NEIL3: variants seen among roughly 807,000 people sequenced by gnomAD.
NEIL3 encodes endonuclease 8-like 3.
In NEIL3, 48 loss-of-function variants were observed where a neutral mutation model predicts 57.5. The ratio of observed to expected loss-of-function variants is 0.83; its 90% CI spans 0.66 to 1.06. The LOEUF (loss-of-function observed/expected upper bound fraction) is 1.06. Among genes scored for constraint, NEIL3 ranks in the 50% least tolerant of loss-of-function variants. The pLI, the probability that NEIL3 is intolerant of heterozygous loss-of-function variation, is 0.00. For missense variants in NEIL3, 717 were observed against 739.1 expected, an observed-to-expected ratio of 0.97 and a Z score of 0.35; for synonymous variants, 261 against 253.2, an observed-to-expected ratio of 1.03 and a Z score of -0.29.
chr4:177,321,407 T>G (rs1314934812), intron 1 of NEIL3, among the ~76,000 whole-genome samples: 1 of 152,142 alleles, frequency 6.6e-6, no homozygotes, highest in Non-Finnish European at 1.5e-5. Context: ...TTTACATTTT[T>G]ATTACATTTT....
intron 6 of NEIL3, chr4:177,343,222 A>G (rs898731789): frequency 5.3e-5 from 8 of 152,176 alleles, no homozygotes; most frequent in African/African-American, 1.9e-4. Flanking sequence ...TATGTGTTAG[A>G]TATGTGAAAG....
chr4:177,350,084 T>C (rs1212699399), intron 6 of NEIL3, among the ~76,000 whole-genome samples: 1 of 152,234 alleles, frequency 6.6e-6, no homozygotes, highest in African/African-American at 2.4e-5. Context: ...TGTATCTTAC[T>C]TTCAGATTTT....
rs759718146 is a variant in NEIL3 at position 177,335,791 on chromosome 4, A to G, written c.382A>G (p.Ile128Val). The change falls in exon 3 of 10, where the codon ATT (isoleucine) becomes GTT (valine). Residue 128 changes from isoleucine to valine, a missense_variant. Coordinates refer to ENST00000264596, the MANE Select transcript of NEIL3 (RefSeq NM_018248.3). ...GGAAGTGCAGCTCACCAAAGATTTGATTTGTTTCTTTGACTCATCAGTAGA... is the reference window on the plus strand; with the variant it reads ...GGAAGTGCAGCTCACCAAAGATTTGGTTTGTTTCTTTGACTCATCAGTAGA... ...VLEVQLTKDL[I>V]CFFDSSVELR... The G allele has an allele frequency of 6.3e-7, 1 of 1,579,844 alleles. No homozygotes were observed.
chr4:177,333,026 A>AT lies in NEIL3; in HGVS notation c.279-2656dup, dbSNP rs567430825. ...CATCCTAAGTAGTAGCAGAACTCCT[A>AT]TTTTTTATTTTTAGCATTGTTAAAA... On this transcript the variant is annotated intron_variant, in intron 2 of 9. Coordinates refer to ENST00000264596, the MANE Select transcript of NEIL3 (RefSeq NM_018248.3). Among the ~76,000 whole-genome samples, 157 of 146,038 alleles carry AT rather than the reference A, an allele frequency of 1.1e-3. 5 individuals carry two copies. The South Asian group carries it at 0.024, about 22-fold the overall frequency.
Position 177,353,664 on chromosome 4 carries a change from A to T in NEIL3, c.1396A>T (p.Lys466Ter). 1 of 1,613,984 alleles carries T rather than the reference A, an allele frequency of 6.2e-7. No individual in the cohort carries two copies. The highest frequency in any genetic ancestry group is 8.5e-7 in the Non-Finnish European group (1 of 1,179,918). ...TAAATTATTTAGTCCAGCACATAAA[A>T]AACCGAAAACAGCCCAATACTCATC... ...ESKLFSPAHKKPKTAQYSSPE... is the reference protein window; with the variant it reads ...ESKLFSPAHK Residue 466 changes from lysine (K) to a stop codon, truncating the protein, a stop_gained, in exon 8 of 10, where the codon AAA (lysine) becomes TAA (stop). Coordinates refer to ENST00000264596, the MANE Select transcript of NEIL3 (RefSeq NM_018248.3). LOFTEE classifies it high-confidence loss of function.
Position 177,351,489 on chromosome 4 carries a change from A to G in NEIL3, c.979A>G (p.Thr327Ala). 1.9e-6 allele frequency: 3 copies of G among 1,614,022 alleles called. No homozygotes were observed. Among genetic ancestry groups the G allele is most frequent in the Non-Finnish European group, 2.5e-6 (3 of 1,179,932 alleles). ...SEEHWTCVVC[T>A]LINKPSSKAC... ...AGAGCACTGGACCTGTGTGGTGTGT[A>G]CTTTAATCAATAAGCCCTCTTCTAA... Residue 327 changes from threonine (T) to alanine (A), a missense_variant, in exon 7 of 10, where the codon ACT becomes GCT. Thr to Ala is a moderately conservative substitution (Grantham distance 58, BLOSUM62 0). Coordinates refer to ENST00000264596, the MANE Select transcript of NEIL3 (RefSeq NM_018248.3).
chr4:177,327,161 A>T (rs1169739009), intron 2 of NEIL3, among the ~76,000 whole-genome samples: 3 of 151,876 alleles, frequency 2.0e-5, no homozygotes, highest in African/African-American at 7.3e-5. Flanking sequence ...CTTCCTTTTC[A>T]CCTTCCACCA....
chr4:177,369,214 C>T, the NEIL3 span, among the ~76,000 whole-genome samples: 31,789 of 151,944 alleles, frequency 0.21, 4,157 homozygotes, highest in East Asian at 0.69. Context: ...AGGAGAGCTT[C>T]AGGAAAGAGG....
intron 2 of NEIL3, among the ~76,000 whole-genome samples, chr4:177,332,988 T>C (rs1578994061): frequency 6.6e-6 from 1 of 152,208 alleles, no homozygotes; most frequent in Non-Finnish European, 1.5e-5. Context: ...CTATGTTCAC[T>C]TTCAGCCTTC....
In NEIL3 at chr4:177,351,287, T is replaced by C. The variant is rs543403255; in HGVS notation, c.870-93T>C. ...TCCAAGCAATAATAAAGAGATAGCA[T>C]TGGGGTATTAATGGTTCTATAATCA... On this transcript the variant is annotated intron_variant, in intron 6 of 9. Transcript: ENST00000264596. 1.8e-5 allele frequency: 12 copies of C among 664,856 alleles called. No homozygotes were observed. In the South Asian group the frequency reaches 2.4e-4, roughly 13 times the overall value. The allele number at this position is 664,856 out of a possible 1,614,324, so 41.2% of individuals were successfully genotyped here.
chr4:177,320,959 CT>C (rs1243264013), intron 1 of NEIL3, among the ~76,000 whole-genome samples: 3,044 of 140,742 alleles, frequency 0.022, 76 homozygotes, highest in Admixed American at 0.066. Context: ...GTGTCTGTCT[CT>C]TTTTTTTTTT....
rs1455373857 is a variant in NEIL3, at chr4:177,360,430, T to C, written c.1461-73T>C. The C allele has an allele frequency of 6.7e-6, 7 of 1,049,506 alleles. No individual in the cohort carries two copies. In the South Asian group the frequency reaches 1.2e-4, roughly 18 times the overall value. 65.0% of individuals were successfully genotyped at this position (1,049,506 alleles called of 1,614,324 possible). A position where few individuals can be genotyped will look rare whatever the true frequency, so the allele number is the denominator to read the frequency against. On this transcript the variant is annotated intron_variant, in intron 8 of 9. Transcript: ENST00000264596. ...TCTTGGTACAAGTGAAATTCTGACA[T>C]GTGGGGGTAAAGTGGTGTGAATGGT... is the stretch of plus-strand genomic sequence containing the variant.
chr4:177,345,940 C>T (rs1034099759), intron 6 of NEIL3, among the ~76,000 whole-genome samples: 14 of 152,054 alleles, frequency 9.2e-5, no homozygotes, highest in African/African-American at 3.4e-4. Flanking sequence ...ATCCATCCAC[C>T]TCGACCTCCC....
At position 177,328,876 on chromosome 4, in the gene NEIL3, A is replaced by G. The variant is rs940483274; in HGVS notation, c.278+6296A>G. Among the ~76,000 whole-genome samples the G allele has an allele frequency of 3.5e-4, 54 of 152,154 alleles. 1 individual carries two copies. Among genetic ancestry groups the G allele is most frequent in the African/African-American group, 1.3e-3 (53 of 41,444 alleles). ...TAAAATGCATTGCAACAATAGTACAAATGAGATAGGAAAATGATGGTACAC... is the reference window on the plus strand; with the variant it reads ...TAAAATGCATTGCAACAATAGTACAGATGAGATAGGAAAATGATGGTACAC... On this transcript the variant is annotated intron_variant, in intron 2 of 9. Coordinates refer to ENST00000264596, the MANE Select transcript of NEIL3 (RefSeq NM_018248.3).
At chr4:177,369,036 TC>T in the NEIL3 span, among the ~76,000 whole-genome samples, 1 of 152,228 alleles carries the variant, frequency 6.6e-6, no homozygotes, top group Non-Finnish European at 1.5e-5. Flanking sequence ...AATGTTTAAT[TC>T]AATTAATCTC....
chr4:177,351,206 C>CAAAAAAAAA lies in NEIL3; in HGVS notation c.870-150_870-142dup, dbSNP rs749430879. 5.5e-4 allele frequency among the ~76,000 whole-genome samples: 32 copies of CAAAAAAAAA among 58,522 alleles called. 1 individual carries two copies. Among genetic ancestry groups the CAAAAAAAAA allele is most frequent in the Admixed American group, 8.2e-4 (3 of 3,674 alleles). The allele number at this position is 58,522 out of a possible 152,430, so 38.4% of individuals were successfully genotyped here. A position where few individuals can be genotyped will look rare whatever the true frequency, so the allele number is the denominator to read the frequency against. On this transcript the variant is annotated intron_variant, in intron 6 of 9. Transcript: ENST00000264596. The stretch of plus-strand genomic sequence containing the variant: ...ATGACAGAGCAAGACCCCATCTCTA[C>CAAAAAAAAA]AAAAAAAAAAAAAAAAAAAAAAAAA...
chr4:177,316,648 A>G (rs1734579958), intron 1 of NEIL3, among the ~76,000 whole-genome samples: 1 of 152,136 alleles, frequency 6.6e-6, no homozygotes, highest in African/African-American at 2.4e-5. Context: ...CTTGGTTTTC[A>G]GAGCTAAAGG....
At position 177,362,935 on chromosome 4, in the gene NEIL3, T is replaced by C. The variant is rs952050280; in HGVS notation, c.*464T>C. On this transcript the variant is annotated 3_prime_UTR_variant, in exon 10 of 10. Transcript: ENST00000264596. ...AAATAATAAGAAATAAGATCTCCTT[T>C]ATGAACAAGTCTATTTTTAAAATTC... The C allele has an allele frequency of 6.6e-6, 1 of 152,238 alleles. No homozygotes were observed. The highest frequency in any genetic ancestry group is 1.5e-5 in the Non-Finnish European group (1 of 68,056). The allele number at this position is 152,238 out of a possible 1,614,324, so 9.4% of individuals were successfully genotyped here. A position where few individuals can be genotyped will look rare whatever the true frequency, so the allele number is the denominator to read the frequency against.
chr4:177,352,190 G>A (rs1040470765), intron 7 of NEIL3, among the ~76,000 whole-genome samples: 3 of 152,200 alleles, frequency 2.0e-5, no homozygotes, highest in African/African-American at 7.2e-5. Context: ...AGATGAGAAA[G>A]TTCATTCCTG....
Sources: gnomAD v4.1 joint callset for allele counts (sites outside exome capture counted in the v4.1 genomes callset) on GRCh38, gnomAD v4.1.1 for gene constraint, MANE v1.5 for transcripts, NCBI Gene and HGNC (gene_info 2026-07-23, HGNC 2026-07-21) for gene names.